C5orf46: variants seen among roughly 807,000 people sequenced by gnomAD.
The protein encoded by C5orf46 is chromosome 5 open reading frame 46.
C5orf46 carries 9 observed loss-of-function variants against 8.9 expected under a neutral mutation model. The ratio of observed to expected loss-of-function variants is 1.01; its 90% CI spans 0.61 to 1.76. The LOEUF is 1.76. Among genes scored for constraint, C5orf46 ranks in the 40% most tolerant of loss-of-function variants. The probability of loss-of-function intolerance (pLI) is 0.00; values close to 1 mark genes in which losing one functional copy is unlikely to be tolerated. For missense variants in C5orf46, 98 were observed against 107.8 expected, an observed-to-expected ratio of 0.91 and a Z score of 0.40; for synonymous variants, 47 against 41.4, an observed-to-expected ratio of 1.14 and a Z score of -0.52.
In C5orf46 at chr5:147,893,855, A is replaced by G. The variant is rs566345999; in HGVS notation, c.*10-916T>C. On this transcript the variant is annotated intron_variant, in intron 3 of 3. Coordinates refer to ENST00000318315, the MANE Select transcript of C5orf46 (RefSeq NM_206966.3). The stretch of plus-strand genomic sequence containing the variant: ...ATGGCATGAGGCACTATGCCCAGCC[A>G]TCACATAAATCTTATAAGCAGAAAA... 3.6e-3 allele frequency among the ~76,000 whole-genome samples: 547 copies of G among 152,002 alleles called. 4 individuals are homozygous for G. The highest frequency in any genetic ancestry group is 0.013 in the African/African-American group (527 of 41,444).
chr5:147,904,197 G>A (rs982541582), intron 1 of C5orf46, among the ~76,000 whole-genome samples: 3 of 152,214 alleles, frequency 2.0e-5, no homozygotes, highest in African/African-American at 7.2e-5. Flanking sequence ...GGCGGAAGCG[G>A]AACTCATGTG....
chr5:147,886,479 ATAAT>A (rs538351872), intron 2 of C5orf46: 84 of 151,304 alleles, frequency 5.6e-4, no homozygotes, highest in Non-Finnish European at 9.4e-4. Context: ...CATATGGAAT[ATAAT>A]TAACATGTTA....
intron 3 of C5orf46, among the ~76,000 whole-genome samples, chr5:147,894,558 T>C (rs1288042756): frequency 6.6e-6 from 1 of 152,134 alleles, no homozygotes; most frequent in Non-Finnish European, 1.5e-5. Context: ...CTCCAGATAT[T>C]CCTTCTTATC....
In C5orf46 at chr5:147,905,538, T is replaced by C. The variant is rs141182852; in HGVS notation, c.70+894A>G. ...TGTGTGTTCTTCAGCCAAGTTACATTCAAAGGATTCTGTCACTAAATGTTT... is the reference window on the plus strand; with the variant it reads ...TGTGTGTTCTTCAGCCAAGTTACATCCAAAGGATTCTGTCACTAAATGTTT... On this transcript the variant is annotated intron_variant, in intron 1 of 3. Coordinates refer to ENST00000318315, the MANE Select transcript of C5orf46 (RefSeq NM_206966.3). Among the ~76,000 whole-genome samples the C allele has an allele frequency of 1.8e-3, 273 of 152,302 alleles. 1 individual carries two copies. Among genetic ancestry groups the C allele is most frequent in the African/African-American group, 6.2e-3 (258 of 41,562 alleles).
chr5:147,891,754 A>G (rs755505124), downstream of C5orf46, among the ~76,000 whole-genome samples: 1 of 152,218 alleles, frequency 6.6e-6, no homozygotes, highest in Non-Finnish European at 1.5e-5. Context: ...TAAGTAATTT[A>G]GTTAAGTGGG....
At chr5:147,886,450 CA>C (rs1191660566) in intron 2 of C5orf46, 1 of 147,072 alleles carries the variant, frequency 6.8e-6, no homozygotes, top group East Asian at 2.0e-4. Flanking sequence ...GAAATATATA[CA>C]TATAATTATC....
At chr5:147,893,817 G>A (rs976136459) in intron 3 of C5orf46, among the ~76,000 whole-genome samples, 1 of 152,048 alleles carries the variant, frequency 6.6e-6, no homozygotes, top group African/African-American at 2.4e-5. Flanking sequence ...CTGGGATTTG[G>A]TAGGCACCTG....
At chr5:147,906,362 A>T in intron 1 of C5orf46, 70 bp downstream of exon 1, 1 of 991,054 alleles carries the variant, frequency 1.0e-6, no homozygotes. Flanking sequence ...GTTCTGAATC[A>T]GTGCCATCAG....
At chr5:147,891,490 A>G (rs1241072281), downstream of C5orf46, among the ~76,000 whole-genome samples, 4 of 152,196 alleles carry the variant, frequency 2.6e-5, no homozygotes, top group Non-Finnish European at 5.9e-5. Context: ...CAAATCTTGT[A>G]TTGATATGGC....
downstream of C5orf46, among the ~76,000 whole-genome samples, chr5:147,892,272 C>A (rs575371694): frequency 4.6e-5 from 7 of 152,266 alleles, no homozygotes; most frequent in South Asian, 1.4e-3. Flanking sequence ...CACGAAAGGC[C>A]TGCAACTAAA....
At chr5:147,891,687 C>A (rs1349796541), downstream of C5orf46, among the ~76,000 whole-genome samples, 2 of 152,150 alleles carry the variant, frequency 1.3e-5, no homozygotes, top group Middle Eastern at 3.4e-3. Flanking sequence ...GATTTTGCAG[C>A]CACATTTGAT....
At chr5:147,901,097 C>A (rs144147453) in intron 2 of C5orf46, among the ~76,000 whole-genome samples, 74 of 152,254 alleles carry the variant, frequency 4.9e-4, no homozygotes, top group Middle Eastern at 3.4e-3. Context: ...TCTCTGCTAA[C>A]CTTCTTGAGC....
chr5:147,896,529 A>C (rs902295462), intron 3 of C5orf46, among the ~76,000 whole-genome samples: 6 of 152,218 alleles, frequency 3.9e-5, no homozygotes, highest in Non-Finnish European at 8.8e-5. Context: ...ATTTCTGAGC[A>C]CTCAAACTAT....
downstream of C5orf46, among the ~76,000 whole-genome samples, chr5:147,888,969 T>C (rs77824192): frequency 0.069 from 10,483 of 152,170 alleles, 647 homozygotes; most frequent in Admixed American, 0.21. Context: ...TGGCTACATT[T>C]TGAAGGCTTT....
At chr5:147,895,994 T>C (rs1757574281) in intron 3 of C5orf46, among the ~76,000 whole-genome samples, 1 of 152,132 alleles carries the variant, frequency 6.6e-6, no homozygotes, top group African/African-American at 2.4e-5. Flanking sequence ...AAAGGAGCAT[T>C]TCCAGACCAG....
At position 147,892,828 on chromosome 5, in the gene C5orf46, A is replaced by C. The variant is rs950000963; in HGVS notation, c.*121T>G. On this transcript the variant is annotated 3_prime_UTR_variant, in exon 4 of 4. Coordinates refer to ENST00000318315, the MANE Select transcript of C5orf46 (RefSeq NM_206966.3). Reference sequence around the variant, plus strand: ...GGTTGAAGCCAGAGCCTGAATCCTGAGAACTCGTTGGGAGTTGCTTTGAGG... The same window carrying C: ...GGTTGAAGCCAGAGCCTGAATCCTGCGAACTCGTTGGGAGTTGCTTTGAGG... The C allele has an allele frequency of 3.3e-5, 5 of 152,196 alleles. No homozygotes were observed. Among genetic ancestry groups the C allele is most frequent in the African/African-American group, 1.2e-4 (5 of 41,456 alleles). The allele number at this position is 152,196 out of a possible 1,614,324, so 9.4% of individuals were successfully genotyped here. A position where few individuals can be genotyped will look rare whatever the true frequency, so the allele number is the denominator to read the frequency against.
At chr5:147,886,333 T>C (rs1383658512) in intron 2 of C5orf46, 2 of 152,100 alleles carry the variant, frequency 1.3e-5, no homozygotes, top group African/African-American at 2.4e-5. Flanking sequence ...TGGAGGAAAC[T>C]TGGTAGAAAA....
intron 2 of C5orf46, among the ~76,000 whole-genome samples, chr5:147,885,905 T>C (rs910855737): frequency 3.3e-5 from 5 of 152,310 alleles, no homozygotes; most frequent in Admixed American, 2.6e-4. Flanking sequence ...AATTTTATTT[T>C]AGTAGCCAAA....
chr5:147,903,744 A>C (rs1757707407), intron 1 of C5orf46, among the ~76,000 whole-genome samples: 1 of 152,042 alleles, frequency 6.6e-6, no homozygotes, highest in Admixed American at 6.6e-5. Context: ...TTTTGGGCCT[A>C]CTTTTTTAAT....
Sources: allele counts gnomAD v4.1 joint callset (sites outside exome capture counted in the v4.1 genomes callset), GRCh38; gene constraint gnomAD v4.1.1; transcripts MANE v1.5; gene names NCBI Gene and HGNC (gene_info 2026-07-23, HGNC 2026-07-21).